Variants in SLIT3 observed in about 807,000 individuals in gnomAD.
The protein encoded by SLIT3 is slit guidance ligand 3, also known as slit homolog 3 protein.
SLIT3 carries 68 observed loss-of-function variants against 184.0 expected under a neutral mutation model. The ratio of observed to expected loss-of-function variants is 0.37; its 90% confidence interval spans 0.30 to 0.45. The LOEUF (loss-of-function observed/expected upper bound fraction) is 0.45, where lower values mean the gene tolerates loss of function less well. Ranked by LOEUF, SLIT3 falls within the 20% of genes least tolerant of loss-of-function variation. SLIT3 has a pLI of 1.00. For missense variants in SLIT3, 1,707 were observed against 2,026.0 expected (o/e 0.84, Z 3.02); for synonymous variants, 831 against 828.6 (o/e 1.00, Z -0.05).
intron 5 of SLIT3, among the ~76,000 whole-genome samples, chr5:168,853,608 G>A (rs1019469852): frequency 1.3e-5 from 2 of 152,122 alleles, no homozygotes; most frequent in African/African-American, 4.8e-5. Context: ...CACCTTTTAA[G>A]TGTCTTATGC....
chr5:168,810,021 T>C (rs894969457), intron 8 of SLIT3, among the ~76,000 whole-genome samples: 4 of 152,204 alleles, frequency 2.6e-5, no homozygotes, highest in African/African-American at 9.7e-5. Context: ...CCTCTGAGCC[T>C]ATCTCACTTG....
Position 169,190,242 on chromosome 5 carries a change from C to T in SLIT3, c.413+3237G>A, listed in dbSNP as rs958968355. 4.6e-5 allele frequency among the ~76,000 whole-genome samples: 7 copies of T among 152,334 alleles called. No homozygotes were observed. In the South Asian group the frequency reaches 6.2e-4, roughly 14 times the overall value. ...TACCCTCAGTTCTTTCTGACAGGAA[C>T]ATTGACCAAGGCCCTCTTCACCAGG... On this transcript the variant is annotated intron_variant, in intron 4 of 35. Coordinates refer to ENST00000519560, the MANE Select transcript of SLIT3 (RefSeq NM_003062.4).
At chr5:168,734,529 C>T (rs1187555056) in intron 20 of SLIT3, among the ~76,000 whole-genome samples, 1 of 152,188 alleles carries the variant, frequency 6.6e-6, no homozygotes, top group Non-Finnish European at 1.5e-5. Context: ...AGTTCCCACA[C>T]CTACCAATGA....
intron 4 of SLIT3, among the ~76,000 whole-genome samples, chr5:168,963,627 C>A (rs756807345): frequency 6.6e-6 from 1 of 152,186 alleles, no homozygotes. Flanking sequence ...GTCAACTCTA[C>A]GAGGGCAGAG....
intron 4 of SLIT3, among the ~76,000 whole-genome samples, chr5:169,085,154 C>A (rs564620919): frequency 3.5e-4 from 54 of 152,338 alleles, no homozygotes; most frequent in Admixed American, 1.0e-3. Context: ...AGCCCTCCAA[C>A]TTCTACTGGG....
intron 4 of SLIT3, among the ~76,000 whole-genome samples, chr5:169,134,470 T>TC (rs1761423067): frequency 6.6e-6 from 1 of 152,070 alleles, no homozygotes; most frequent in South Asian, 2.1e-4. Flanking sequence ...TTTCTCCCAC[T>TC]CCCCCATAGC....
In SLIT3 at chr5:168,881,973, T is replaced by C. The variant is rs883340; in HGVS notation, c.485+1292A>G. 5.3e-4 allele frequency among the ~76,000 whole-genome samples: 80 copies of C among 152,272 alleles called. No homozygotes were observed. In the East Asian group the frequency reaches 0.014, roughly 26 times the overall value. ...TGTCCCTGAGCCCCTTGCGAAGTCC[T>C]CTCTGCTTCTCTGTTCCCTCCACCC... is the stretch of plus-strand genomic sequence containing the variant. On this transcript the variant is annotated intron_variant, in intron 5 of 35. Transcript: ENST00000519560.
intron 28 of SLIT3, 75 bp from the exon 29 acceptor site, chr5:168,692,775 G>A (rs1561877652): frequency 3.8e-6 from 4 of 1,065,974 alleles, no homozygotes; most frequent in African/African-American, 3.1e-5. Flanking sequence ...AGAGTACTAG[G>A]GGGGATATCC....
At chr5:169,037,677 A>T (rs1757303895) in intron 4 of SLIT3, 1 of 152,244 alleles carries the variant, frequency 6.6e-6, no homozygotes, top group South Asian at 2.1e-4. Flanking sequence ...AGCTTCATTC[A>T]CAGGCTCTCG....
intron 4 of SLIT3, among the ~76,000 whole-genome samples, chr5:169,009,084 T>C (rs890964316): frequency 2.9e-5 from 4 of 138,842 alleles, no homozygotes; most frequent in Non-Finnish European, 6.1e-5. Context: ...TGAGCCAAAA[T>C]TACAATTTTT....
intron 4 of SLIT3, chr5:169,119,804 T>A (rs1581429216): frequency 6.6e-6 from 1 of 152,222 alleles, no homozygotes; most frequent in African/African-American, 2.4e-5. Flanking sequence ...GTTATTTCCT[T>A]GTTCTTCTGA....
chr5:168,924,087 C>A (rs564245851), intron 4 of SLIT3, among the ~76,000 whole-genome samples: 1 of 152,336 alleles, frequency 6.6e-6, no homozygotes, highest in South Asian at 2.1e-4. Flanking sequence ...AGTCTGTACC[C>A]GGGTCCACAA....
chr5:169,002,206 C>T (rs1755726810), intron 4 of SLIT3, among the ~76,000 whole-genome samples: 1 of 150,632 alleles, frequency 6.6e-6, no homozygotes, highest in Non-Finnish European at 1.5e-5. Flanking sequence ...GCTTGTACTT[C>T]CGGCTACTAG....
intron 2 of SLIT3, among the ~76,000 whole-genome samples, chr5:169,247,804 G>C (rs919395057): frequency 6.6e-6 from 1 of 152,078 alleles, no homozygotes; most frequent in East Asian, 1.9e-4. Context: ...AGGGTTTTAC[G>C]ATGTTGCCCA....
rs895570450 is a variant in SLIT3 at position 169,168,582 on chromosome 5, A to T, written c.413+24897T>A. On this transcript the variant is annotated intron_variant, in intron 4 of 35. Coordinates refer to ENST00000519560, the MANE Select transcript of SLIT3 (RefSeq NM_003062.4). ...ACAACGGCTCTATGATTTAGGTGTC[A>T]CTAAATCAAAAAGTAGTAGGAGTCA... Among the ~76,000 whole-genome samples, 49 of 152,204 alleles carry T rather than the reference A, an allele frequency of 3.2e-4. 1 individual carries two copies. The highest frequency in any genetic ancestry group is 1.1e-3 in the African/African-American group (47 of 41,442).
chr5:169,139,012 C>T (rs1450794905), intron 4 of SLIT3, among the ~76,000 whole-genome samples: 3 of 152,222 alleles, frequency 2.0e-5, no homozygotes, highest in African/African-American at 7.2e-5. Context: ...GGCCCAGACC[C>T]TCTTTTCTCA....
At chr5:168,946,493 G>C (rs1488212841) in intron 4 of SLIT3, among the ~76,000 whole-genome samples, 4 of 152,238 alleles carry the variant, frequency 2.6e-5, no homozygotes, top group African/African-American at 7.2e-5. Flanking sequence ...GCGGCTGTTA[G>C]GGAGGGATTC....
At chr5:169,106,326 C>T (rs890340912) in intron 4 of SLIT3, among the ~76,000 whole-genome samples, 6 of 152,180 alleles carry the variant, frequency 3.9e-5, no homozygotes, top group African/African-American at 9.6e-5. Context: ...GACCACAGAG[C>T]GACTAGTGCT....
intron 12 of SLIT3, among the ~76,000 whole-genome samples, chr5:168,776,928 C>A (rs1308178223): frequency 6.6e-6 from 1 of 152,068 alleles, no homozygotes; most frequent in Non-Finnish European, 1.5e-5. Flanking sequence ...AAACACTGAA[C>A]TATTCAGTAC....
Sources: gnomAD v4.1 joint callset for allele counts (sites outside exome capture counted in the v4.1 genomes callset) on GRCh38, gnomAD v4.1.1 for gene constraint, MANE v1.5 for transcripts, NCBI Gene and HGNC (gene_info 2026-07-23, HGNC 2026-07-21) for gene names.